The following TCF20 variants were observed in gnomAD, a reference collection of about 807,000 sequenced individuals.
TCF20 encodes the protein transcription factor 20.
A neutral mutation model predicts 148.6 loss-of-function variants in TCF20; 3 were observed. That is an observed-to-expected ratio of 0.02 (90% CI 0.01 to 0.05). TCF20 has a LOEUF of 0.05. Ranked by LOEUF, TCF20 falls within the 10% of genes least tolerant of loss-of-function variation. TCF20 has a pLI of 1.00. For missense variants in TCF20, 2,350 were observed against 2,429.3 expected, an observed-to-expected ratio of 0.97 and a Z score of 0.69; for synonymous variants, 1,049 against 909.5, an observed-to-expected ratio of 1.15 and a Z score of -2.76.
chr22:42,280,204 C>T (rs1392077340), intron 1 of TCF20, among the ~76,000 whole-genome samples: 2 of 152,222 alleles, frequency 1.3e-5, no homozygotes, highest in African/African-American at 4.8e-5. Context: ...GAATCACAGC[C>T]CCTTAGAGCA....
At chr22:42,225,531 G>A (rs999662823) in intron 1 of TCF20, among the ~76,000 whole-genome samples, 20 of 150,024 alleles carry the variant, frequency 1.3e-4, no homozygotes, top group Admixed American at 6.0e-4. Flanking sequence ...GGAGAATGGC[G>A]TGAACCCGGG....
At chr22:42,283,416 G>T (rs897848842) in intron 1 of TCF20, among the ~76,000 whole-genome samples, 8 of 152,174 alleles carry the variant, frequency 5.3e-5, no homozygotes, top group Non-Finnish European at 1.0e-4. Context: ...GATCTGGACC[G>T]GAGGGGACGG....
At chr22:42,266,216 A>G (rs1051495312) in intron 1 of TCF20, among the ~76,000 whole-genome samples, 2 of 152,196 alleles carry the variant, frequency 1.3e-5, no homozygotes, top group Non-Finnish European at 2.9e-5. Context: ...CAGGAGGGTT[A>G]TATCTAAGCC....
chr22:42,271,565 G>A (rs533747524), upstream of TCF20, among the ~76,000 whole-genome samples: 5 of 152,322 alleles, frequency 3.3e-5, no homozygotes, highest in South Asian at 1.0e-3. Context: ...AAAGTGACAA[G>A]GCCAGCAAGA....
chr22:42,169,745 A>T, intron 4 of TCF20, 102 bp downstream of exon 4: 1 of 1,210,342 alleles, frequency 8.3e-7, no homozygotes, highest in Non-Finnish European at 1.2e-6. Context: ...ACAGGTGGGG[A>T]CAGGTGTGGG....
intron 2 of TCF20, among the ~76,000 whole-genome samples, chr22:42,194,519 T>C (rs1937499545): frequency 6.6e-6 from 1 of 151,626 alleles, no homozygotes; most frequent in Non-Finnish European, 1.5e-5. Context: ...TGATGTACCC[T>C]AGTGAAGGAA....
intron 1 of TCF20, among the ~76,000 whole-genome samples, chr22:42,340,853 G>A (rs896414192): frequency 1.3e-5 from 2 of 152,104 alleles, no homozygotes; most frequent in African/African-American, 4.8e-5. Context: ...GAGGGGGAGG[G>A]GAAAGGGGAG....
At chr22:42,167,684 C>T (rs1470166808) in intron 5 of TCF20, among the ~76,000 whole-genome samples, 3 of 152,254 alleles carry the variant, frequency 2.0e-5, no homozygotes, top group South Asian at 2.1e-4. Flanking sequence ...CCACAATAAT[C>T]CCACACAAAC....
At chr22:42,311,213 C>T (rs1032128338) in intron 1 of TCF20, among the ~76,000 whole-genome samples, 2 of 152,226 alleles carry the variant, frequency 1.3e-5, no homozygotes, top group African/African-American at 4.8e-5. Context: ...GGCAGGGGTC[C>T]CTGCGGGGCT....
In TCF20 at chr22:42,211,139, C is replaced by G. The variant is rs370868872; in HGVS notation, c.4167G>C (p.Lys1389Asn). The G allele has an allele frequency of 6.2e-7, 1 of 1,614,230 alleles. No homozygotes were observed. The highest frequency in any genetic ancestry group is 2.2e-5 in the East Asian group (1 of 44,880). Residue 1389 changes from lysine to asparagine, a missense_variant, in exon 2 of 6, where the codon AAG becomes AAC. Lys to Asn is a moderately conservative substitution (Grantham distance 94). Around this residue, in one of 7 missense-constraint regions of TCF20, gnomAD observed 231 missense variants for 213.7 expected, o/e 1.08. Coordinates refer to ENST00000677622, the MANE Select transcript of TCF20 (RefSeq NM_001378418.1). ...TVTLDDILSL[K>N]SGPPEGGSVA... ...CACTCCCACCTTCAGGAGGACCACT[C>G]TTCAAAGACAGTATATCATCAAGCG...
At chr22:42,286,388 T>C (rs974175994), upstream of TCF20, among the ~76,000 whole-genome samples, 3 of 152,228 alleles carry the variant, frequency 2.0e-5, no homozygotes, top group Non-Finnish European at 4.4e-5. Context: ...TTTTAAATCC[T>C]GGCTCCACCA....
chr22:42,319,934 G>A (rs571998921), intron 1 of TCF20, among the ~76,000 whole-genome samples: 1 of 151,866 alleles, frequency 6.6e-6, no homozygotes, highest in African/African-American at 2.4e-5. Context: ...CCCAGCACCT[G>A]GTCTCTCCCA....
intron 1 of TCF20, among the ~76,000 whole-genome samples, chr22:42,226,679 A>T (rs908931833): frequency 6.6e-6 from 1 of 152,202 alleles, no homozygotes; most frequent in Non-Finnish European, 1.5e-5. Context: ...AACTCCATCC[A>T]GCGTGGGTGA....
rs767174772 is a variant in TCF20, at chr22:42,212,636, G to A, written c.2670C>T (p.Ala890=). ...PGAHSLGHMS[A]DTRIGRNDRL... ...GGTCATTCCTCCCAATTCTGGTGTC[G>A]GCACTCATGTGTCCCAGTGAGTGAG... is the stretch of plus-strand genomic sequence containing the variant. Residue 890 remains alanine, a synonymous_variant, in exon 2 of 6, where the codon GCC becomes GCT. Coordinates refer to ENST00000677622, the MANE Select transcript of TCF20 (RefSeq NM_001378418.1). 19 of 1,613,938 alleles carry A rather than the reference G, an allele frequency of 1.2e-5. No individual in the cohort carries two copies. In the East Asian group the frequency reaches 1.3e-4, roughly 11 times the overall value.
chr22:42,339,794 G>GTGCTCACGGGGCCAGCCTGA (rs1186434187), intron 1 of TCF20, among the ~76,000 whole-genome samples: 2 of 152,212 alleles, frequency 1.3e-5, no homozygotes, highest in African/African-American at 4.8e-5. Context: ...GGCCAGCCAG[G>GTGCTCACGGGGCCAGCCTGA]TGCTCACGGG....
At chr22:42,167,967 T>A (rs1422426942) in intron 5 of TCF20, among the ~76,000 whole-genome samples, 5 of 151,700 alleles carry the variant, frequency 3.3e-5, no homozygotes, top group Non-Finnish European at 5.9e-5. Context: ...GCTTAGGCGA[T>A]CCTTCTGCCT....
chr22:42,210,527 C>T lies in TCF20; in HGVS notation c.4779G>A (p.Pro1593=), dbSNP rs778975332. 90 of 1,614,044 alleles carry T rather than the reference C, an allele frequency of 5.6e-5. No homozygotes were observed. The highest frequency in any genetic ancestry group is 1.9e-4 in the South Asian group (17 of 91,088). Residue 1593 remains proline, a synonymous_variant, in exon 2 of 6, where the codon CCG becomes CCA. Transcript: ENST00000677622. This position sits in a 1 kb window ranked among gnomAD's most constrained non-coding sequence, Gnocchi z 4.7. ...CTGCTTGTTTGGTTTTTCGCTTCCT[C>T]GGCTGGGCCCCAGGCTTCCTTCTCT... ...RRERRKPGAQ[P]RKRKTKQAVP... is the part of the protein sequence containing the mutation.
At chr22:42,240,692 T>A (rs1030353969) in intron 1 of TCF20, among the ~76,000 whole-genome samples, 8 of 152,114 alleles carry the variant, frequency 5.3e-5, no homozygotes, top group Admixed American at 2.6e-4. Flanking sequence ...AGGAGATAAC[T>A]TATAACTCAT....
At chr22:42,221,739 G>GTTTTTTTTTTTTT (rs59283483) in intron 1 of TCF20, among the ~76,000 whole-genome samples, 2,347 of 92,716 alleles carry the variant, frequency 0.025, 414 homozygotes, top group African/African-American at 0.087. Flanking sequence ...ATGGCAAAGG[G>GTTTTTTTTTTTTT]TTTTTTTTTT....
Sources: gnomAD v4.1 joint callset for allele counts (sites outside exome capture counted in the v4.1 genomes callset) on GRCh38, gnomAD v4.1.1 for gene constraint, gnomAD v4.1.1 regional missense constraint, Gnocchi (gnomAD v3.1) non-coding constraint, MANE v1.5 for transcripts, NCBI Gene and HGNC (gene_info 2026-07-23, HGNC 2026-07-21) for gene names.